Variants in TJP1 observed in about 807,000 individuals in gnomAD.
TJP1 encodes the protein tight junction protein 1.
TJP1 carries 43 observed loss-of-function variants against 194.2 expected under a neutral mutation model. The ratio of observed to expected loss-of-function variants is 0.22; its 90% confidence interval spans 0.17 to 0.29. TJP1 has a LOEUF of 0.29. TJP1 is among the 10% of genes least tolerant of loss of function. The pLI is 1.00. For missense variants in TJP1, 1,971 were observed against 2,185.7 expected (o/e 0.90, Z 1.96); for synonymous variants, 801 against 779.0 (o/e 1.03, Z -0.47).
intron 2 of TJP1, among the ~76,000 whole-genome samples, chr15:29,869,365 T>G (rs1371649291): frequency 1.3e-5 from 2 of 152,130 alleles, no homozygotes; most frequent in Non-Finnish European, 2.9e-5. Context: ...CTGGCAAAAC[T>G]CTAGGGAGGG....
rs1156724424 is a variant in TJP1, at chr15:29,908,048, C to CAAAAAAAAAAAAAAAAAAAAAAAAAAAA, written c.306+48156_306+48183dup. Among the ~76,000 whole-genome samples the CAAAAAAAAAAAAAAAAAAAAAAAAAAAA allele has an allele frequency of 6.1e-4, 12 of 19,524 alleles. 3 individuals are homozygous for CAAAAAAAAAAAAAAAAAAAAAAAAAAAA. Among genetic ancestry groups the CAAAAAAAAAAAAAAAAAAAAAAAAAAAA allele is most frequent in the African/African-American group, 1.1e-3 (7 of 6,328 alleles). The allele number at this position is 19,524 out of a possible 152,430, so 12.8% of individuals were successfully genotyped here. On this transcript the variant is annotated intron_variant, in intron 2 of 28. Transcript: ENST00000356107. ...AAAGTTGAGAAATTACCTTATAAAGCAAAAAAAAAAAAAAAAAAAAAAAAA... is the reference window on the plus strand; with the variant it reads ...AAAGTTGAGAAATTACCTTATAAAGCAAAAAAAAAAAAAAAAAAAAAAAAAAAAAAAAAAAAAAAAAAAAAAAAAAAAA...
intron 2 of TJP1, among the ~76,000 whole-genome samples, chr15:29,947,879 T>C (rs1274740003): frequency 2.0e-5 from 3 of 152,206 alleles, no homozygotes; most frequent in Admixed American, 1.3e-4. Flanking sequence ...GGCTGGTCTC[T>C]GGGAACATCA....
At position 29,933,136 on chromosome 15, in the gene TJP1, A is replaced by G. The variant is rs560215682; in HGVS notation, c.306+23096T>C. On this transcript the variant is annotated intron_variant, in intron 2 of 28. Transcript: ENST00000356107. The stretch of plus-strand genomic sequence containing the variant: ...TGGATTTTTTCTTTACTTTGTTTCT[A>G]TTAATAAATACATATACATAGATGC... Among the ~76,000 whole-genome samples, 13 of 152,264 alleles carry G rather than the reference A, an allele frequency of 8.5e-5. No individual in the cohort carries two copies. In the East Asian group the frequency reaches 2.5e-3, roughly 29 times the overall value.
chr15:29,833,881 A>ATTTTTTTTT (rs10650949), intron 2 of TJP1, among the ~76,000 whole-genome samples: 2 of 12,616 alleles, frequency 1.6e-4, no homozygotes, highest in South Asian at 4.0e-3. Flanking sequence ...ATATATATAT[A>ATTTTTTTTT]TTTTTTTTTT....
At chr15:29,967,829 C>T (rs991690709) in intron 1 of TJP1, among the ~76,000 whole-genome samples, 4 of 152,144 alleles carry the variant, frequency 2.6e-5, no homozygotes, top group African/African-American at 9.7e-5. Flanking sequence ...CCTTTATGAA[C>T]TACACTGACC....
intron 13 of TJP1, 131 bp from the exon 14 acceptor site, chr15:29,732,946 AGAGGAGTTTG>A: frequency 8.0e-7 from 1 of 1,252,726 alleles, no homozygotes; most frequent in Non-Finnish European, 1.1e-6. Flanking sequence ...GTTATAATAA[AGAGGAGTTTG>A]TAAACCTAAG....
intron 8 of TJP1, among the ~76,000 whole-genome samples, chr15:29,746,093 A>G (rs1268035331): frequency 6.6e-6 from 1 of 152,232 alleles, no homozygotes; most frequent in Non-Finnish European, 1.5e-5. Flanking sequence ...GAAAACTTTA[A>G]AACGGCTGGG....
At chr15:29,961,474 G>C (rs1432293153) in intron 1 of TJP1, among the ~76,000 whole-genome samples, 1 of 149,518 alleles carries the variant, frequency 6.7e-6, no homozygotes. Flanking sequence ...TCAGCCTCCC[G>C]AGTAGTTTCC....
chr15:29,707,385 T>C (rs1174839670), intron 25 of TJP1, among the ~76,000 whole-genome samples: 2 of 152,134 alleles, frequency 1.3e-5, no homozygotes, highest in Admixed American at 6.5e-5. Context: ...GACGACATCC[T>C]ACGACACAAC....
Position 29,739,381 on chromosome 15 carries a change from T to C in TJP1, c.1256+1950A>G, listed in dbSNP as rs74367181. Among the ~76,000 whole-genome samples, 742 of 152,286 alleles carry C rather than the reference T, an allele frequency of 4.9e-3. 29 individuals carry two copies. In the East Asian group the frequency reaches 0.097, roughly 20 times the overall value. ...AAACCTTTCCTGGCACAGCTACTAA[T>C]CCTGTCCACGTCCTCAAATCTTCCT... On this transcript the variant is annotated intron_variant, in intron 10 of 27. Transcript: ENST00000614355.
chr15:29,720,613 G>A lies in TJP1; in HGVS notation c.2508C>T (p.Asp836=). 3 of 1,614,134 alleles carry A rather than the reference G, an allele frequency of 1.9e-6. No individual in the cohort carries two copies. The highest frequency in any genetic ancestry group is 2.5e-6 in the Non-Finnish European group (3 of 1,180,026). ...PGSEYSMYST[D]SRHTSDYEDT... ...CTTCATAGTCAGAAGTGTGTCTACT[G>A]TCCGTGCTATACATTGAGTATTCAC... The change falls in exon 19 of 28, where the codon GAC becomes GAT. Residue 836 remains aspartate (D), a synonymous_variant. Coordinates refer to ENST00000614355, the MANE Select transcript of TJP1 (RefSeq NM_001330239.4).
intron 2 of TJP1, among the ~76,000 whole-genome samples, chr15:29,844,923 G>C (rs936146150): frequency 3.9e-5 from 6 of 152,172 alleles, no homozygotes; most frequent in African/African-American, 1.4e-4. Context: ...CATGCCAATG[G>C]TAAGAGGTTT....
intron 2 of TJP1, among the ~76,000 whole-genome samples, chr15:29,774,800 T>C: frequency 6.6e-6 from 1 of 151,892 alleles, no homozygotes; most frequent in Non-Finnish European, 1.5e-5. Context: ...AAGAAAATAA[T>C]AAAACAGGGA....
chr15:29,854,593 G>A (rs2051773081), intron 2 of TJP1, among the ~76,000 whole-genome samples: 3 of 152,142 alleles, frequency 2.0e-5, no homozygotes. Context: ...CCCTCAGGGC[G>A]TGTGACCCTG....
At chr15:29,713,585 CT>C (rs1276149604) in intron 23 of TJP1, among the ~76,000 whole-genome samples, 1 of 152,302 alleles carries the variant, frequency 6.6e-6, no homozygotes, top group East Asian at 1.9e-4. Context: ...TGAAGGCAGT[CT>C]TATTTAGTGA....
intron 2 of TJP1, among the ~76,000 whole-genome samples, chr15:29,787,805 T>G (rs117613602): frequency 6.6e-6 from 1 of 152,238 alleles, no homozygotes; most frequent in Non-Finnish European, 1.5e-5. Flanking sequence ...GTGTAACTTA[T>G]TATGTAGACA....
At chr15:29,770,008 G>C (rs374619981) in intron 4 of TJP1, among the ~76,000 whole-genome samples, 4 of 152,008 alleles carry the variant, frequency 2.6e-5, no homozygotes, top group Non-Finnish European at 5.9e-5. Flanking sequence ...GGCTCCATGC[G>C]TGTTACTGCC....
At chr15:29,887,404 A>G (rs1392692106) in intron 2 of TJP1, among the ~76,000 whole-genome samples, 1 of 151,744 alleles carries the variant, frequency 6.6e-6, no homozygotes, top group Admixed American at 6.6e-5. Flanking sequence ...GGTTCAAGTG[A>G]TTCTCCTGCC....
At chr15:29,943,325 C>A (rs1414717118) in intron 2 of TJP1, among the ~76,000 whole-genome samples, 2 of 152,272 alleles carry the variant, frequency 1.3e-5, no homozygotes, top group East Asian at 3.9e-4. Context: ...GTTTTGGCTT[C>A]TTTTGCTATT....
Sources: gnomAD v4.1 joint callset for allele counts (sites outside exome capture counted in the v4.1 genomes callset) on GRCh38, gnomAD v4.1.1 for gene constraint, MANE v1.5 for transcripts, NCBI Gene and HGNC (gene_info 2026-07-23, HGNC 2026-07-21) for gene names.